The following SGF29 variants were observed in gnomAD, a reference collection of about 807,000 sequenced individuals.
The protein encoded by SGF29 is SAGA complex associated factor 29, also known as SAGA-associated factor 29.
Under a neutral mutation model 38.1 loss-of-function variants are expected in SGF29, and 15 were observed. That is an observed-to-expected ratio of 0.39 (90% CI 0.26 to 0.61). The LOEUF (loss-of-function observed/expected upper bound fraction) is 0.61, where lower values mean the gene tolerates loss of function less well. Ranked by LOEUF, SGF29 falls within the 20% of genes least tolerant of loss-of-function variation. The probability of loss-of-function intolerance (pLI) is 0.49; values close to 1 mark genes in which losing one functional copy is unlikely to be tolerated. For synonymous variants in SGF29, 151 were observed against 160.8 expected, an observed-to-expected ratio of 0.94 and a Z score of 0.46; for missense variants, 184 against 394.6, an observed-to-expected ratio of 0.47 and a Z score of 4.52.
At chr16:28,563,058 A>G (rs559453629) in intron 1 of SGF29, among the ~76,000 whole-genome samples, 1 of 152,270 alleles carries the variant, frequency 6.6e-6, no homozygotes, top group South Asian at 2.1e-4. Flanking sequence ...TGGATACAGA[A>G]TGAAAATCAC....
intron 1 of SGF29, among the ~76,000 whole-genome samples, chr16:28,564,594 CACATATATGT>C (rs1567285698): frequency 2.5e-5 from 3 of 120,714 alleles, no homozygotes; most frequent in Non-Finnish European, 5.1e-5. Flanking sequence ...TATATATACA[CACATATATGT>C]GTATATATAT....
At chr16:28,561,208 A>G (rs2046787297) in intron 1 of SGF29, among the ~76,000 whole-genome samples, 1 of 152,048 alleles carries the variant, frequency 6.6e-6, no homozygotes, top group African/African-American at 2.4e-5. Flanking sequence ...CCTGGGCAAC[A>G]TAGTGAGACC....
At chr16:28,561,539 C>T (rs2046790135) in intron 1 of SGF29, among the ~76,000 whole-genome samples, 1 of 151,774 alleles carries the variant, frequency 6.6e-6, no homozygotes. Context: ...TCTCTAAAAA[C>T]AAAAAACAAA....
chr16:28,579,183 A>T (rs185607777), intron 1 of SGF29, among the ~76,000 whole-genome samples: 1 of 150,570 alleles, frequency 6.6e-6, no homozygotes, highest in Non-Finnish European at 1.5e-5. Context: ...CTTGAGGCAT[A>T]TGTCTATTTT....
chr16:28,585,874 A>T (rs1275257482), intron 4 of SGF29, among the ~76,000 whole-genome samples, 154 bp downstream of exon 4: 2 of 152,144 alleles, frequency 1.3e-5, no homozygotes, highest in African/African-American at 4.8e-5. Context: ...TCCCTGGCCC[A>T]CTGCCAGGCC....
intron 3 of SGF29, 134 bp from the exon 4 acceptor site, chr16:28,585,514 C>A: frequency 1.2e-6 from 1 of 802,160 alleles, no homozygotes; most frequent in Non-Finnish European, 2.1e-6. Flanking sequence ...AGGAGCACTC[C>A]TGAGCCAGCA....
At chr16:28,570,419 C>T (rs545959487) in intron 1 of SGF29, among the ~76,000 whole-genome samples, 95 of 152,226 alleles carry the variant, frequency 6.2e-4, no homozygotes, top group African/African-American at 2.1e-3. Context: ...CCTGTCCCAC[C>T]GTTGTATTTT....
At chr16:28,569,231 G>A (rs1224238852) in intron 1 of SGF29, among the ~76,000 whole-genome samples, 2 of 152,174 alleles carry the variant, frequency 1.3e-5, no homozygotes, top group African/African-American at 4.8e-5. Flanking sequence ...AAGTGGTGAG[G>A]GGGTGGCATG....
intron 1 of SGF29, among the ~76,000 whole-genome samples, chr16:28,577,010 C>T (rs1212511012): frequency 1.3e-5 from 2 of 151,992 alleles, no homozygotes; most frequent in East Asian, 3.9e-4. Flanking sequence ...CCCGTCTCTA[C>T]TAAGAATACA....
At chr16:28,577,515 A>G (rs2046902277) in intron 1 of SGF29, among the ~76,000 whole-genome samples, 1 of 152,202 alleles carries the variant, frequency 6.6e-6, no homozygotes, top group Non-Finnish European at 1.5e-5. Flanking sequence ...CACTTAGCAT[A>G]ATGTTTTCAA....
At chr16:28,586,705 C>T (rs1006478261) in intron 4 of SGF29, among the ~76,000 whole-genome samples, 1 of 152,076 alleles carries the variant, frequency 6.6e-6, no homozygotes, top group Non-Finnish European at 1.5e-5. Context: ...CATTTCCTCA[C>T]TAGTAGGATT....
At chr16:28,586,596 A>C (rs1237239101) in intron 4 of SGF29, among the ~76,000 whole-genome samples, 1 of 152,128 alleles carries the variant, frequency 6.6e-6, no homozygotes, top group African/African-American at 2.4e-5. Context: ...TGAACATTAC[A>C]TTCCTCTACT....
intron 1 of SGF29, among the ~76,000 whole-genome samples, chr16:28,572,023 G>A (rs936460920): frequency 5.3e-5 from 8 of 151,816 alleles, no homozygotes; most frequent in African/African-American, 1.7e-4. Flanking sequence ...ACTGTTGCCC[G>A]GACTGGAGTG....
chr16:28,579,151 A>G (rs1482959207), intron 1 of SGF29, among the ~76,000 whole-genome samples: 1 of 149,794 alleles, frequency 6.7e-6, no homozygotes, highest in Non-Finnish European at 1.5e-5. Flanking sequence ...ATATCCCCTT[A>G]TTTTATCAAA....
chr16:28,581,498 T>A (rs1244083405), intron 2 of SGF29, among the ~76,000 whole-genome samples: 1 of 152,084 alleles, frequency 6.6e-6, no homozygotes, highest in East Asian at 1.9e-4. Context: ...AAATGCCCCA[T>A]ATCTTTTCCT....
intron 1 of SGF29, among the ~76,000 whole-genome samples, chr16:28,555,295 C>T (rs1596593389): frequency 6.7e-6 from 1 of 150,218 alleles, no homozygotes; most frequent in African/African-American, 2.4e-5. Context: ...GAAATCCAGT[C>T]TCTTCTAAAA....
At chr16:28,564,645 G>GTGTA (rs1555474822) in intron 1 of SGF29, among the ~76,000 whole-genome samples, 7 of 101,098 alleles carry the variant, frequency 6.9e-5, no homozygotes, top group South Asian at 2.7e-4. Context: ...GTATATATGT[G>GTGTA]TATATATACG....
chr16:28,557,011 C>T (rs942095090), intron 1 of SGF29, among the ~76,000 whole-genome samples: 2 of 152,078 alleles, frequency 1.3e-5, no homozygotes, highest in Admixed American at 1.3e-4. Flanking sequence ...GTATTAGGTT[C>T]CTCTTTCCCT....
intron 1 of SGF29, among the ~76,000 whole-genome samples, chr16:28,564,622 TGC>T (rs1213678331): frequency 2.3e-5 from 3 of 128,706 alleles, no homozygotes; most frequent in Non-Finnish European, 3.2e-5. Context: ...TATACATATA[TGC>T]ATATATATAC....
Sources: gnomAD v4.1 joint callset for allele counts (sites outside exome capture counted in the v4.1 genomes callset) on GRCh38, gnomAD v4.1.1 for gene constraint, MANE v1.5 for transcripts, NCBI Gene and HGNC (gene_info 2026-07-23, HGNC 2026-07-21) for gene names.